Variants in NOL9 observed in about 807,000 individuals in gnomAD.
NOL9 encodes the protein polynucleotide 5'-hydroxyl-kinase NOL9.
Under a neutral mutation model 67.9 loss-of-function variants are expected in NOL9, and 28 were observed. That is an observed-to-expected ratio of 0.41 (90% CI 0.31 to 0.57). NOL9 has a LOEUF of 0.57. Among genes scored for constraint, NOL9 ranks in the 20% least tolerant of loss-of-function variants. NOL9 has a pLI of 0.25. For missense variants in NOL9, 777 were observed against 897.0 expected (o/e 0.87, Z 1.71); for synonymous variants, 356 against 352.2 (o/e 1.01, Z -0.12).
chr1:6,527,645 A>G (rs1638920369), intron 10 of NOL9, among the ~76,000 whole-genome samples: 1 of 151,916 alleles, frequency 6.6e-6, no homozygotes, highest in African/African-American at 2.4e-5. Context: ...AAAACAAAAA[A>G]AAAACAGCCT....
chr1:6,548,742 A>G (rs1349724076), intron 3 of NOL9: 2 of 162,416 alleles, frequency 1.2e-5, no homozygotes, highest in Non-Finnish European at 2.7e-5. Flanking sequence ...GAGACAATTT[A>G]TATTATCTCA....
At chr1:6,533,168 C>A in intron 7 of NOL9, 112 bp downstream of exon 7, 1 of 1,125,790 alleles carries the variant, frequency 8.9e-7, no homozygotes, top group South Asian at 1.6e-5. Context: ...GAGTGAGACC[C>A]TGCCTCAATT....
intron 6 of NOL9, among the ~76,000 whole-genome samples, chr1:6,535,563 G>T (rs1227948466): frequency 2.6e-5 from 4 of 152,180 alleles, no homozygotes; most frequent in Non-Finnish European, 5.9e-5. Context: ...CTTATACATA[G>T]GGATATTGTA....
chr1:6,526,308 C>T (rs2148647710), intron 11 of NOL9, among the ~76,000 whole-genome samples: 1 of 152,212 alleles, frequency 6.6e-6, no homozygotes, highest in Admixed American at 6.5e-5. Context: ...AGGAATATCC[C>T]CCGTTCCCAG....
At chr1:6,539,283 G>C (rs1639223599) in intron 6 of NOL9, among the ~76,000 whole-genome samples, 2 of 152,158 alleles carry the variant, frequency 1.3e-5, no homozygotes, top group African/African-American at 4.8e-5. Flanking sequence ...ATAAGACCCA[G>C]CAATTCCACT....
rs201104106 is a variant in NOL9 at position 6,532,695 on chromosome 1, G to A, written c.1303C>T (p.Arg435Cys). Residue 435 changes from arginine to cysteine, a missense_variant, in exon 8 of 12, where the codon CGC (arginine) becomes TGC (cysteine). Physicochemically the swap from Arg to Cys is radical, Grantham distance 180. Around this residue, in one of 2 missense-constraint regions of NOL9, gnomAD observed 413 missense variants for 552.6 expected, o/e 0.75. Coordinates refer to ENST00000377705, the MANE Select transcript of NOL9 (RefSeq NM_024654.5). ...GGCATATATTTACTGTGGTCAGAGC[G>A]GAACTGAACCACGTGGCTGGGAGAC... ...LLSPSHVVQF[R>C]SDHSKYMPDL... is the part of the protein sequence containing the mutation. The A allele has an allele frequency of 3.1e-5, 50 of 1,614,016 alleles. No individual in the cohort carries two copies. Among genetic ancestry groups the A allele is most frequent in the South Asian group, 1.9e-4 (17 of 91,086 alleles).
intron 2 of NOL9, 21 bp from the exon 3 acceptor site, chr1:6,549,719 C>G: frequency 6.2e-7 from 1 of 1,609,342 alleles, no homozygotes; most frequent in South Asian, 1.1e-5. Flanking sequence ...AAAAATAAAC[C>G]ACCTTAGAAG....
chr1:6,526,010 C>T lies in NOL9; in HGVS notation c.1960-7G>A, dbSNP rs7548042. On this transcript the variant is annotated splice_region_variant and splice_polypyrimidine_tract_variant and intron_variant, in intron 11 of 11. Coordinates refer to ENST00000377705, the MANE Select transcript of NOL9 (RefSeq NM_024654.5). ...CTGTCCCTTCGATCCCACGCTGAAA[C>T]GGAAACACAGAGAATGCATGGAAAC... 1 allele frequency: 1,607,414 copies of T among 1,613,590 alleles called. 800,867 individuals carry two copies. The highest frequency in any genetic ancestry group is 1 in the East Asian group (44,858 of 44,858).
At chr1:6,544,100 T>C (rs571812006) in intron 5 of NOL9, among the ~76,000 whole-genome samples, 2 of 152,064 alleles carry the variant, frequency 1.3e-5, no homozygotes, top group African/African-American at 4.8e-5. Context: ...CACTCCAGCC[T>C]GGGTGAGTGA....
rs201335929 is a variant in NOL9, at chr1:6,532,658, G to A, written c.1340C>T (p.Pro447Leu). The A allele has an allele frequency of 5.5e-4, 895 of 1,614,100 alleles. 1 individual carries two copies. The highest frequency in any genetic ancestry group is 7.1e-4 in the Non-Finnish European group (837 of 1,180,032). The change falls in exon 8 of 12, where the codon CCG becomes CTG. Residue 447 changes from proline (P) to leucine (L), a missense_variant. Physicochemically the swap from Pro to Leu is moderately conservative, Grantham distance 98. Coordinates refer to ENST00000377705, the MANE Select transcript of NOL9 (RefSeq NM_024654.5). Reference sequence around the variant, plus strand: ...GCCATCCATGTCATCTACATACTGCGGGGTAAGGTCTGGCATATATTTACT... The same window carrying A: ...GCCATCCATGTCATCTACATACTGCAGGGTAAGGTCTGGCATATATTTACT... Reference protein sequence around the residue: ...DHSKYMPDLTPQYVDDMDGLY... With the variant: ...DHSKYMPDLTLQYVDDMDGLY...
Position 6,533,305 on chromosome 1 carries a change from G to A in NOL9, c.1212C>T (p.Ile404=), listed in dbSNP as rs35016990. The A allele has an allele frequency of 5.9e-3, 9,405 of 1,607,050 alleles. 496 individuals are homozygous for A. The African/African-American group carries it at 0.11, about 19-fold the overall frequency. Residue 404 remains isoleucine (I), a synonymous_variant, in exon 7 of 12, where the codon ATC becomes ATT. Transcript: ENST00000377705. The stretch of plus-strand genomic sequence containing the variant: ...CTGAAACCCATCCCATAGTGTTGAC[G>A]ATGAGAGGGGACTCTCTCTTGTAAG... ...FSAYKRESPL[I]VNTMGWVSDQ...
rs1326190611 is a variant in NOL9, at chr1:6,545,105, C to G, written c.820G>C (p.Gly274Arg). The G allele has an allele frequency of 6.2e-7, 1 of 1,614,046 alleles. No homozygotes were observed. Among genetic ancestry groups the G allele is most frequent in the Non-Finnish European group, 8.5e-7 (1 of 1,180,040 alleles). Residue 274 changes from glycine to arginine, a missense_variant, in exon 4 of 12, where the codon GGC becomes CGC. Transcript: ENST00000377705. ...VGIRREKKRK[G>R]LQLTESTLSA... Reference sequence around the variant, plus strand: ...AGGGTACTCTCAGTTAACTGAAGGCCTTTCCTTTTTTTCTCTCTTCTGATG... The same window carrying G: ...AGGGTACTCTCAGTTAACTGAAGGCGTTTCCTTTTTTTCTCTCTTCTGATG...
chr1:6,544,034 G>C (rs1245738110), intron 5 of NOL9, among the ~76,000 whole-genome samples: 1 of 152,196 alleles, frequency 6.6e-6, no homozygotes, highest in Non-Finnish European at 1.5e-5. Context: ...GCTGAGGTAG[G>C]AGAATCACTT....
intron 5 of NOL9, among the ~76,000 whole-genome samples, chr1:6,544,018 C>T (rs762716265): frequency 1.3e-5 from 2 of 152,044 alleles, no homozygotes; most frequent in African/African-American, 2.4e-5. Flanking sequence ...CCCAGCTACT[C>T]GGGAGGCTGA....
At chr1:6,538,189 T>C (rs934906229) in intron 6 of NOL9, among the ~76,000 whole-genome samples, 3 of 151,884 alleles carry the variant, frequency 2.0e-5, no homozygotes, top group African/African-American at 4.8e-5. Flanking sequence ...AGTGAAAAAA[T>C]AGATACACTG....
At position 6,523,165 on chromosome 1, in the gene NOL9, AAAAAAG is replaced by A. The variant is rs1441798972; in HGVS notation, c.*2683_*2688del. ...TGACAGAGCGAGACTCTGTCTCAAA[AAAAAAG>A]AAAAAAAAAAAAGAATAGCTCCAAT... is the stretch of plus-strand genomic sequence containing the variant. On this transcript the variant is annotated 3_prime_UTR_variant, in exon 12 of 12. Coordinates refer to ENST00000377705, the MANE Select transcript of NOL9 (RefSeq NM_024654.5). 2.0e-5 allele frequency: 3 copies of A among 151,220 alleles called. No homozygotes were observed. The highest frequency in any genetic ancestry group is 2.9e-5 in the Non-Finnish European group (2 of 68,046). 9.4% of individuals were successfully genotyped at this position (151,220 alleles called of 1,614,324 possible). A position where few individuals can be genotyped will look rare whatever the true frequency, so the allele number is the denominator to read the frequency against.
chr1:6,548,633 C>G, intron 3 of NOL9: 1 of 341,638 alleles, frequency 2.9e-6, no homozygotes, highest in Non-Finnish European at 5.8e-6. Context: ...AAAAATGAAG[C>G]CTTTTTGACT....
At chr1:6,551,595 A>C (rs1369457541) in intron 1 of NOL9, among the ~76,000 whole-genome samples, 4 of 151,878 alleles carry the variant, frequency 2.6e-5, no homozygotes, top group Non-Finnish European at 5.9e-5. Context: ...ATACTGTCCC[A>C]AAAATAAATA....
chr1:6,522,337 G>T lies in NOL9; in HGVS notation c.*3517C>A, dbSNP rs1206352646. 6.6e-6 allele frequency: 1 copy of T among 151,924 alleles called. No individual in the cohort carries two copies. The highest frequency in any genetic ancestry group is 1.5e-5 in the Non-Finnish European group (1 of 67,990). 9.4% of individuals were successfully genotyped at this position (151,924 alleles called of 1,614,324 possible). On this transcript the variant is annotated 3_prime_UTR_variant, in exon 12 of 12. Coordinates refer to ENST00000377705, the MANE Select transcript of NOL9 (RefSeq NM_024654.5). ...GGCCAAGGCAGGCGGATCCCCTGAG[G>T]TTGGAAGTTCGAGACCAGCCTGACC... is the stretch of plus-strand genomic sequence containing the variant.
Sources: gnomAD v4.1 joint callset for allele counts (sites outside exome capture counted in the v4.1 genomes callset) on GRCh38, gnomAD v4.1.1 for gene constraint, gnomAD v4.1.1 regional missense constraint, MANE v1.5 for transcripts, NCBI Gene and HGNC (gene_info 2026-07-23, HGNC 2026-07-21) for gene names.